The following NSD3 variants were observed in gnomAD, a reference collection of about 807,000 sequenced individuals.
NSD3 encodes the protein nuclear receptor binding SET domain protein 3, also known as histone-lysine N-methyltransferase NSD3.
NSD3 carries 24 observed loss-of-function variants against 160.8 expected under a neutral mutation model. The observed-to-expected ratio is 0.15, with a 90% CI of 0.11 to 0.21. NSD3 has a LOEUF of 0.21. Ranked by LOEUF, NSD3 falls within the 10% of genes least tolerant of loss-of-function variation. The probability of loss-of-function intolerance (pLI) is 1.00; values close to 1 mark genes in which losing one functional copy is unlikely to be tolerated. For missense variants in NSD3, 1,157 were observed against 1,735.9 expected (o/e 0.67, Z 5.93); for synonymous variants, 520 against 600.0 (o/e 0.87, Z 1.95).
intron 2 of NSD3, among the ~76,000 whole-genome samples, chr8:38,346,935 C>T (rs922576100): frequency 2.6e-5 from 4 of 152,076 alleles, no homozygotes; most frequent in African/African-American, 4.8e-5. Context: ...AGCAAATTCA[C>T]GCTGAAATCT....
At chr8:38,293,135 CAAAAAAA>C (rs1005050554) in intron 16 of NSD3, among the ~76,000 whole-genome samples, 1 of 68,516 alleles carries the variant, frequency 1.5e-5, no homozygotes, top group African/African-American at 6.6e-5. Context: ...GACTTTGTCT[CAAAAAAA>C]AAAAAAAAAA....
intron 2 of NSD3, among the ~76,000 whole-genome samples, chr8:38,341,543 A>G (rs1392244739): frequency 6.6e-6 from 1 of 152,104 alleles, no homozygotes; most frequent in Non-Finnish European, 1.5e-5. Flanking sequence ...GTCTCAAAAA[A>G]AAAAAAAAAG....
In NSD3 at chr8:38,348,727, T is replaced by C. The variant is rs183693200; in HGVS notation, c.-44-512A>G. Among the ~76,000 whole-genome samples, 98 of 152,286 alleles carry C rather than the reference T, an allele frequency of 6.4e-4. 1 individual carries two copies. In the Middle Eastern group the frequency reaches 0.01, roughly 16 times the overall value. On this transcript the variant is annotated intron_variant, in intron 1 of 23. Transcript: ENST00000317025. ...CCCAGGCTTGAATGTAGTGGTACAA[T>C]CATGGCTCACTACAGCCTCAACCTC...
rs184999210 is a variant in NSD3, at chr8:38,310,334, A to T, written c.2242+4313T>A. Among the ~76,000 whole-genome samples the T allele has an allele frequency of 1.3e-3, 197 of 152,362 alleles. 1 individual carries two copies. The highest frequency in any genetic ancestry group is 4.3e-3 in the African/African-American group (180 of 41,582). On this transcript the variant is annotated intron_variant, in intron 12 of 23. Coordinates refer to ENST00000317025, the MANE Select transcript of NSD3 (RefSeq NM_023034.2). ...ACTCAGCATAAAGTCCTCAAGGTTC[A>T]TCCATGTTATGACATGTATCACAAT...
intron 8 of NSD3, 92 bp downstream of exon 8, chr8:38,320,980 T>C (rs1809785438): frequency 1.6e-6 from 2 of 1,226,506 alleles, no homozygotes; most frequent in African/African-American, 1.5e-5. Flanking sequence ...AAACTCAGTG[T>C]GGGGGAAAGT....
At chr8:38,305,521 A>G in intron 12 of NSD3, 76 bp from the exon 13 acceptor site, 1 of 1,427,046 alleles carries the variant, frequency 7.0e-7, no homozygotes, top group Non-Finnish European at 9.7e-7. Context: ...TACAGACATC[A>G]AACAGCTACT....
In NSD3 at chr8:38,318,080, C is replaced by A; in HGVS notation, c.1855+815G>T. The A allele has an allele frequency of 6.2e-7, 1 of 1,612,096 alleles. No individual in the cohort carries two copies. Among genetic ancestry groups the A allele is most frequent in the Non-Finnish European group, 8.5e-7 (1 of 1,178,954 alleles). ...ACACAACGCAATCAGGCCTCCTAAT[C>A]TCGCAGCGATCGCGATGTCTTTTCT... On this transcript the variant is annotated intron_variant, in intron 9 of 23. Coordinates refer to ENST00000317025, the MANE Select transcript of NSD3 (RefSeq NM_023034.2). This position sits in a 1 kb window ranked among gnomAD's most constrained non-coding sequence, Gnocchi z 5.3.
At chr8:38,278,619 C>T (rs1040054425) in intron 21 of NSD3, among the ~76,000 whole-genome samples, 2 of 152,186 alleles carry the variant, frequency 1.3e-5, no homozygotes, top group Non-Finnish European at 1.5e-5. Flanking sequence ...AGCAAAACTA[C>T]ACATCCTCAA....
intron 19 of NSD3, among the ~76,000 whole-genome samples, chr8:38,287,777 C>T (rs963568089): frequency 2.6e-5 from 4 of 151,886 alleles, no homozygotes; most frequent in Non-Finnish European, 1.5e-5. Flanking sequence ...CTCAGCCTCC[C>T]GAGTAGCTGG....
At chr8:38,372,745 C>T (rs1811281121) in intron 1 of NSD3, among the ~76,000 whole-genome samples, 1 of 151,298 alleles carries the variant, frequency 6.6e-6, no homozygotes, top group East Asian at 1.9e-4. Flanking sequence ...CTCCGCCCGC[C>T]TCGGCCTCCC....
Position 38,323,821 on chromosome 8 carries a change from CAA to C in NSD3, c.1709-2651_1709-2650del, listed in dbSNP as rs397891214. Among the ~76,000 whole-genome samples, 382 of 72,210 alleles carry C rather than the reference CAA, an allele frequency of 5.3e-3. 2 individuals are homozygous for C. The highest frequency in any genetic ancestry group is 0.024 in the East Asian group (62 of 2,612). The allele number at this position is 72,210 out of a possible 152,430, so 47.4% of individuals were successfully genotyped here. A position where few individuals can be genotyped will look rare whatever the true frequency, so the allele number is the denominator to read the frequency against. ...TCAACTTGGGTGCAAGACCCTGTCT[CAA>C]AAAAAAAAAAAAAAAAAAAAATTCA... On this transcript the variant is annotated intron_variant, in intron 7 of 23. Coordinates refer to ENST00000317025, the MANE Select transcript of NSD3 (RefSeq NM_023034.2).
In NSD3 at chr8:38,278,500, G is replaced by T. The variant is rs868002416; in HGVS notation, c.3761-88C>A. On this transcript the variant is annotated intron_variant, in intron 21 of 23. Coordinates refer to ENST00000317025, the MANE Select transcript of NSD3 (RefSeq NM_023034.2). ...GCACACTCCCCTAATGAAAAAAAGA[G>T]ACATCATTTTGGCATGAAGGCGTTT... is the stretch of plus-strand genomic sequence containing the variant. 29 of 1,153,572 alleles carry T rather than the reference G, an allele frequency of 2.5e-5. No individual in the cohort carries two copies. In the Middle Eastern group the frequency reaches 3.2e-3, roughly 127 times the overall value. 71.5% of individuals were successfully genotyped at this position (1,153,572 alleles called of 1,614,324 possible). A position where few individuals can be genotyped will look rare whatever the true frequency, so the allele number is the denominator to read the frequency against.
intron 6 of NSD3, among the ~76,000 whole-genome samples, chr8:38,327,130 C>T (rs1172478082): frequency 6.6e-6 from 1 of 151,588 alleles, no homozygotes; most frequent in Non-Finnish European, 1.5e-5. Flanking sequence ...CTCATTGCAA[C>T]CTCTACCACC....
chr8:38,275,511 G>A lies in NSD3; in HGVS notation c.*130C>T. 1 of 841,672 alleles carries A rather than the reference G, an allele frequency of 1.2e-6. No individual in the cohort carries two copies. The highest frequency in any genetic ancestry group is 1.8e-6 in the Non-Finnish European group (1 of 553,242). The allele number at this position is 841,672 out of a possible 1,614,324, so 52.1% of individuals were successfully genotyped here. The stretch of plus-strand genomic sequence containing the variant: ...CAACTGCTTCTGCCTGCATGAACTG[G>A]TTTCCCATTTTTGCTTTAATAAGGC... On this transcript the variant is annotated 3_prime_UTR_variant, in exon 24 of 24. Coordinates refer to ENST00000317025, the MANE Select transcript of NSD3 (RefSeq NM_023034.2).
intron 15 of NSD3, among the ~76,000 whole-genome samples, chr8:38,296,717 T>G (rs1023100917): frequency 1.6e-5 from 2 of 127,354 alleles, no homozygotes; most frequent in African/African-American, 5.8e-5. Context: ...TGTGTGTGTA[T>G]GTGTGTGTAT....
intron 15 of NSD3, among the ~76,000 whole-genome samples, chr8:38,298,335 T>C (rs1185880814): frequency 6.6e-6 from 1 of 152,176 alleles, no homozygotes; most frequent in Non-Finnish European, 1.5e-5. Flanking sequence ...ATCAATAAGG[T>C]GATATAATCT....
Position 38,295,927 on chromosome 8 carries a change from C to T in NSD3, c.2784G>A (p.Ser928=), listed in dbSNP as rs779779491. The T allele has an allele frequency of 1.4e-4, 224 of 1,612,674 alleles. No individual in the cohort carries two copies. Among genetic ancestry groups the T allele is most frequent in the Non-Finnish European group, 1.7e-4 (204 of 1,179,520 alleles). ...EKGGRLLCCE[S]CPASFHPECL... is the part of the protein sequence containing the mutation. ...ATTCCGGGTGGAAGGAAGCTGGGCA[C>T]GATTCACAGCAGAGCAATCTTCCAC... Residue 928 remains serine, a synonymous_variant, in exon 16 of 24, where the codon TCG becomes TCA. Transcript: ENST00000317025.
At chr8:38,352,450 A>G (rs574319993) in intron 1 of NSD3, among the ~76,000 whole-genome samples, 1 of 152,198 alleles carries the variant, frequency 6.6e-6, no homozygotes, top group Non-Finnish European at 1.5e-5. Context: ...TTTAATAATC[A>G]CAACTCTGCA....
intron 1 of NSD3, among the ~76,000 whole-genome samples, chr8:38,360,180 AG>A (rs1244884321): frequency 3.3e-5 from 5 of 152,050 alleles, no homozygotes; most frequent in Non-Finnish European, 7.4e-5. Flanking sequence ...AATTTGTTGT[AG>A]AGACAGGGTT....
Sources: allele counts gnomAD v4.1 joint callset (sites outside exome capture counted in the v4.1 genomes callset), GRCh38; gene constraint gnomAD v4.1.1; non-coding constraint Gnocchi (gnomAD v3.1); transcripts MANE v1.5; gene names NCBI Gene and HGNC (gene_info 2026-07-23, HGNC 2026-07-21).